ARHGAP15: variants seen among roughly 807,000 people sequenced by gnomAD.
ARHGAP15 encodes rho GTPase-activating protein 15.
ARHGAP15 carries 51 observed loss-of-function variants against 63.7 expected under a neutral mutation model. The observed-to-expected ratio is 0.80, with a 90% CI of 0.64 to 1.01. ARHGAP15 has a LOEUF of 1.01. ARHGAP15 is among the 50% of genes least tolerant of loss of function. The pLI is 0.00. For synonymous variants in ARHGAP15, 191 were observed against 193.8 expected, an observed-to-expected ratio of 0.99 and a Z score of 0.12; for missense variants, 560 against 564.6, an observed-to-expected ratio of 0.99 and a Z score of 0.08.
intron 13 of ARHGAP15, among the ~76,000 whole-genome samples, chr2:143,762,097 G>A (rs757934258): frequency 6.6e-6 from 1 of 151,916 alleles, no homozygotes; most frequent in African/African-American, 2.4e-5. Flanking sequence ...CTTTTTTTCT[G>A]TTAGTTAAGC....
intron 2 of ARHGAP15, 152 bp downstream of exon 2, chr2:143,155,807 CATG>C (rs1690054883): frequency 1.3e-6 from 1 of 745,928 alleles, no homozygotes; most frequent in Admixed American, 3.4e-5. Context: ...TACTTACAGT[CATG>C]ATAATATCCC....
At chr2:143,470,763 T>C (rs1691488691) in intron 8 of ARHGAP15, among the ~76,000 whole-genome samples, 1 of 150,578 alleles carries the variant, frequency 6.6e-6, no homozygotes, top group South Asian at 2.1e-4. Flanking sequence ...GTTACACTTC[T>C]TGTCAGTCAT....
In ARHGAP15 at chr2:143,147,591, G is replaced by T. The variant is rs530976418; in HGVS notation, c.-14-7886G>T. 2.0e-5 allele frequency among the ~76,000 whole-genome samples: 3 copies of T among 152,110 alleles called. No homozygotes were observed. In the East Asian group the frequency reaches 5.8e-4, roughly 30 times the overall value. ...TGCCTGATCATCAGAGGGAAATTCA[G>T]AAGCAGTTCCACTAATCTTAACTTT... is the stretch of plus-strand genomic sequence containing the variant. On this transcript the variant is annotated intron_variant, in intron 1 of 13. Coordinates refer to ENST00000295095, the MANE Select transcript of ARHGAP15 (RefSeq NM_018460.4).
At chr2:143,756,838 T>TA (rs1686596109) in intron 13 of ARHGAP15, among the ~76,000 whole-genome samples, 2 of 152,272 alleles carry the variant, frequency 1.3e-5, no homozygotes, top group East Asian at 1.9e-4. Context: ...ATTAGGTGAT[T>TA]AAAAAATCAA....
chr2:143,736,026 T>C (rs1685731075), intron 13 of ARHGAP15, among the ~76,000 whole-genome samples: 1 of 152,188 alleles, frequency 6.6e-6, no homozygotes, highest in Non-Finnish European at 1.5e-5. Flanking sequence ...CATGAGCACA[T>C]GTGATGAGAC....
At position 143,519,363 on chromosome 2, in the gene ARHGAP15, AG is replaced by A. The variant is rs1350704020; in HGVS notation, c.925+1del. ...AATGCATTGAAGCTGTTGAGAAAAG[AG>A]GTGGGTGACTGAATGTGCAGCAGTT... ...KQCIEAVEKR[G>X]LDVDGIYRVS... On this transcript the variant is annotated frameshift_variant and splice_region_variant, in exon 10 of 14. Transcript: ENST00000295095. LOFTEE classifies it high-confidence loss of function. 6.8e-6 allele frequency: 11 copies of A among 1,611,386 alleles called. No homozygotes were observed. Among genetic ancestry groups the A allele is most frequent in the Non-Finnish European group, 8.5e-6 (10 of 1,177,958 alleles).
intron 11 of ARHGAP15, among the ~76,000 whole-genome samples, chr2:143,573,828 G>A (rs1696558823): frequency 6.6e-6 from 1 of 152,064 alleles, no homozygotes. Flanking sequence ...TTGGAAACGA[G>A]TGACAAATCT....
chr2:143,564,015 T>G (rs958378860), intron 11 of ARHGAP15: 3 of 152,174 alleles, frequency 2.0e-5, no homozygotes, highest in African/African-American at 7.2e-5. Flanking sequence ...CATAGGCGGG[T>G]TCTCATCTAG....
chr2:143,156,881 T>C (rs76865124), intron 2 of ARHGAP15, among the ~76,000 whole-genome samples: 5,748 of 152,054 alleles, frequency 0.038, 369 homozygotes, highest in African/African-American at 0.13. Flanking sequence ...AGCTAAAATG[T>C]TCATCAACTA....
chr2:143,427,632 T>C (rs1246021011), intron 6 of ARHGAP15, among the ~76,000 whole-genome samples: 21 of 151,988 alleles, frequency 1.4e-4, no homozygotes, highest in Admixed American at 1.4e-3. Flanking sequence ...ATTTTAGAGA[T>C]ATGCATTGAA....
chr2:143,149,053 G>A (rs939410981), intron 1 of ARHGAP15, among the ~76,000 whole-genome samples: 5 of 151,954 alleles, frequency 3.3e-5, no homozygotes, highest in Non-Finnish European at 7.4e-5. Flanking sequence ...GAACAGACTT[G>A]TTCTACCACA....
At chr2:143,635,285 T>G (rs1028177049) in intron 12 of ARHGAP15, among the ~76,000 whole-genome samples, 1 of 130,724 alleles carries the variant, frequency 7.6e-6, no homozygotes, top group Non-Finnish European at 1.6e-5. Flanking sequence ...ACTCCCGGAC[T>G]CAAGCAATTC....
chr2:143,538,469 G>A (rs181497518), intron 10 of ARHGAP15, among the ~76,000 whole-genome samples: 5,402 of 152,186 alleles, frequency 0.035, 331 homozygotes, highest in African/African-American at 0.12. Context: ...GTTTTCAAAG[G>A]GAATGCTTCC....
chr2:143,185,108 A>G (rs1048350937), intron 2 of ARHGAP15, among the ~76,000 whole-genome samples: 4 of 152,198 alleles, frequency 2.6e-5, no homozygotes, highest in Non-Finnish European at 5.9e-5. Context: ...TCACAAAATG[A>G]GTTTAATATA....
At chr2:143,606,741 T>C (rs1320465138) in intron 11 of ARHGAP15, 1 of 152,178 alleles carries the variant, frequency 6.6e-6, no homozygotes, top group African/African-American at 2.4e-5. Flanking sequence ...TACACTTTCC[T>C]CAAGGTCAAG....
chr2:143,176,300 T>C (rs1691007664), intron 2 of ARHGAP15, among the ~76,000 whole-genome samples: 1 of 152,188 alleles, frequency 6.6e-6, no homozygotes, highest in Non-Finnish European at 1.5e-5. Flanking sequence ...TCAGTTTTAG[T>C]TGCAGTTTTC....
chr2:143,740,863 G>A (rs1685935610), intron 13 of ARHGAP15, among the ~76,000 whole-genome samples: 1 of 151,978 alleles, frequency 6.6e-6, no homozygotes, highest in Admixed American at 6.6e-5. Flanking sequence ...CTTTTGTTTT[G>A]CAAATGCTAA....
intron 9 of ARHGAP15, among the ~76,000 whole-genome samples, chr2:143,517,559 G>T (rs1290930752): frequency 1.3e-5 from 2 of 152,190 alleles, no homozygotes; most frequent in Non-Finnish European, 2.9e-5. Flanking sequence ...TGCCAACACT[G>T]TCTAGGTACT....
chr2:143,152,963 A>G (rs1350525456), intron 1 of ARHGAP15, among the ~76,000 whole-genome samples: 1 of 151,920 alleles, frequency 6.6e-6, no homozygotes, highest in East Asian at 1.9e-4. Flanking sequence ...TCTTGAAAGT[A>G]TTTTCTGCAG....
Sources: gnomAD v4.1 joint callset for allele counts (sites outside exome capture counted in the v4.1 genomes callset) on GRCh38, gnomAD v4.1.1 for gene constraint, MANE v1.5 for transcripts, NCBI Gene and HGNC (gene_info 2026-07-23, HGNC 2026-07-21) for gene names.